ROR1: variants seen among roughly 807,000 people sequenced by gnomAD.
The protein encoded by ROR1 is ROR family WNT receptor 1.
In ROR1, 19 loss-of-function variants were observed where a neutral mutation model predicts 78.8. The observed-to-expected ratio is 0.24, with a 90% CI of 0.17 to 0.35. The LOEUF is 0.35. Ranked by LOEUF, ROR1 falls within the 10% of genes least tolerant of loss-of-function variation. The pLI is 1.00. For synonymous variants in ROR1, 386 were observed against 433.6 expected, an observed-to-expected ratio of 0.89 and a Z score of 1.36; for missense variants, 917 against 1,177.8, an observed-to-expected ratio of 0.78 and a Z score of 3.24.
chr1:64,102,697 C>A (rs189245727), intron 4 of ROR1, among the ~76,000 whole-genome samples: 1 of 152,272 alleles, frequency 6.6e-6, no homozygotes, highest in Non-Finnish European at 1.5e-5. Flanking sequence ...GGTTTGATCG[C>A]CTTCGCTTTT....
At chr1:64,136,011 A>G (rs1649088080) in intron 4 of ROR1, among the ~76,000 whole-genome samples, 1 of 152,218 alleles carries the variant, frequency 6.6e-6, no homozygotes, top group South Asian at 2.1e-4. Context: ...AGTGAGCACC[A>G]CAGCACTAAC....
chr1:63,815,996 C>G (rs538394112), intron 1 of ROR1, among the ~76,000 whole-genome samples: 41 of 152,310 alleles, frequency 2.7e-4, no homozygotes, highest in African/African-American at 9.4e-4. Context: ...GATGACCCTT[C>G]TTGGAATCAT....
intron 2 of ROR1, among the ~76,000 whole-genome samples, chr1:64,031,845 T>TTG (rs1297058101): frequency 1.3e-5 from 2 of 152,046 alleles, no homozygotes; most frequent in East Asian, 1.9e-4. Flanking sequence ...GCTTTTGCTT[T>TTG]TGTGTGTGTG....
At chr1:64,121,163 T>C (rs1043103221) in intron 4 of ROR1, among the ~76,000 whole-genome samples, 2 of 147,070 alleles carry the variant, frequency 1.4e-5, no homozygotes, top group African/African-American at 5.1e-5. Context: ...TCTCTTTCTT[T>C]CCCTGTCCCT....
intron 1 of ROR1, among the ~76,000 whole-genome samples, chr1:63,814,175 G>T (rs961992174): frequency 2.0e-5 from 3 of 152,206 alleles, no homozygotes; most frequent in African/African-American, 7.2e-5. Context: ...CGTGGAAGAA[G>T]TTGGCCTGGA....
intron 1 of ROR1, among the ~76,000 whole-genome samples, chr1:63,989,406 A>G (rs1242755102): frequency 6.6e-6 from 1 of 152,154 alleles, no homozygotes; most frequent in Non-Finnish European, 1.5e-5. Flanking sequence ...GGAGGCTATC[A>G]GTGAATATTT....
chr1:64,178,602 G>T lies in ROR1; in HGVS notation c.2561G>T (p.Arg854Leu). ...CAGCACTGCCCACCTCCCAAGAGTC[G>T]GTCCCCAAGCAGTGCCAGTGGGTCG... is the stretch of plus-strand genomic sequence containing the variant. The part of the protein sequence containing the change: ...VIQHCPPPKS[R>L]SPSSASGSTS... Residue 854 changes from arginine to leucine, a missense_variant, in exon 9 of 9, where the codon CGG becomes CTG. Coordinates refer to ENST00000371079, the MANE Select transcript of ROR1 (RefSeq NM_005012.4). The surrounding 1 kb of genome is among the most constrained non-coding windows in gnomAD (Gnocchi z 4.3). 1 of 1,614,108 alleles carries T rather than the reference G, an allele frequency of 6.2e-7. No individual in the cohort carries two copies. The highest frequency in any genetic ancestry group is 8.5e-7 in the Non-Finnish European group (1 of 1,180,020).
chr1:64,023,799 T>C (rs1199131382), intron 2 of ROR1, among the ~76,000 whole-genome samples: 1 of 152,222 alleles, frequency 6.6e-6, no homozygotes, highest in African/African-American at 2.4e-5. Context: ...ATCATTTTTA[T>C]TGGCCATATT....
chr1:64,085,801 A>G (rs1647147844), intron 4 of ROR1, among the ~76,000 whole-genome samples: 1 of 152,142 alleles, frequency 6.6e-6, no homozygotes, highest in Non-Finnish European at 1.5e-5. Context: ...GGGGAGGGCA[A>G]TAATAAAAAC....
chr1:63,822,421 G>A (rs1442767540), intron 1 of ROR1, among the ~76,000 whole-genome samples: 3 of 152,050 alleles, frequency 2.0e-5, no homozygotes, highest in Admixed American at 2.0e-4. Flanking sequence ...AATTTTATTA[G>A]GATATCTTTA....
chr1:63,885,371 C>T (rs12094137), intron 1 of ROR1, among the ~76,000 whole-genome samples: 11,762 of 152,046 alleles, frequency 0.077, 1,411 homozygotes, highest in African/African-American at 0.26. Flanking sequence ...AGAAGGCTAG[C>T]ATTTCTTTTT....
chr1:64,062,881 T>C (rs971787649), intron 4 of ROR1, among the ~76,000 whole-genome samples: 2 of 152,224 alleles, frequency 1.3e-5, no homozygotes, highest in Non-Finnish European at 2.9e-5. Context: ...TTGTATGTAA[T>C]TAGCCTTCGA....
intron 2 of ROR1, among the ~76,000 whole-genome samples, chr1:64,043,292 G>T (rs1646759109): frequency 2.6e-5 from 4 of 152,206 alleles, no homozygotes. Context: ...AAGCTAATTT[G>T]CCTAAAATTC....
intron 4 of ROR1, among the ~76,000 whole-genome samples, chr1:64,066,916 A>G (rs1244658595): frequency 6.6e-6 from 1 of 152,212 alleles, no homozygotes; most frequent in Admixed American, 6.5e-5. Context: ...TATACAATGT[A>G]GTATTTTGAT....
At chr1:63,845,042 T>A (rs586122) in intron 1 of ROR1, among the ~76,000 whole-genome samples, 33,367 of 152,010 alleles carry the variant, frequency 0.22, 7,898 homozygotes, top group African/African-American at 0.6. Context: ...TGCACCCTGC[T>A]TTGTGAGTTA....
intron 1 of ROR1, among the ~76,000 whole-genome samples, chr1:63,863,713 ATTGTATTGTATTGTATTG>A (rs1645196488): frequency 4.0e-5 from 1 of 25,154 alleles, no homozygotes; most frequent in African/African-American, 2.2e-4. Context: ...CTGCCATTGT[ATTGTATTGTATTGTATTG>A]TATTGTATTG....
chr1:63,926,918 A>G (rs1282313776), intron 1 of ROR1, among the ~76,000 whole-genome samples: 6 of 68,194 alleles, frequency 8.8e-5, no homozygotes, highest in Non-Finnish European at 2.0e-4. Flanking sequence ...GGCTGAGACA[A>G]TGGGGTTTTC....
intron 1 of ROR1, among the ~76,000 whole-genome samples, chr1:63,934,204 C>A (rs1645775906): frequency 6.6e-6 from 1 of 152,108 alleles, no homozygotes; most frequent in Non-Finnish European, 1.5e-5. Context: ...CTGGTATGGA[C>A]CTGGGTGGCC....
At chr1:63,890,301 T>C (rs574143801) in intron 1 of ROR1, among the ~76,000 whole-genome samples, 1 of 152,010 alleles carries the variant, frequency 6.6e-6, no homozygotes, top group East Asian at 1.9e-4. Context: ...GTTTACCAAC[T>C]CATTTTTCTT....
Sources: gnomAD v4.1 joint callset for allele counts (sites outside exome capture counted in the v4.1 genomes callset) on GRCh38, gnomAD v4.1.1 for gene constraint, Gnocchi (gnomAD v3.1) non-coding constraint, MANE v1.5 for transcripts, NCBI Gene and HGNC (gene_info 2026-07-23, HGNC 2026-07-21) for gene names.